DPP10: variants seen among roughly 807,000 people sequenced by gnomAD.
DPP10 encodes the protein inactive dipeptidyl peptidase 10.
In DPP10, 33 loss-of-function variants were observed where a neutral mutation model predicts 120.9. The observed-to-expected ratio is 0.27, with a 90% CI of 0.21 to 0.37. The LOEUF (loss-of-function observed/expected upper bound fraction) is 0.37, where lower values mean the gene tolerates loss of function less well. Among genes scored for constraint, DPP10 ranks in the 10% least tolerant of loss-of-function variants. The pLI is 1.00. For missense variants in DPP10, 816 were observed against 942.8 expected, an observed-to-expected ratio of 0.87 and a Z score of 1.76; for synonymous variants, 337 against 326.1, an observed-to-expected ratio of 1.03 and a Z score of -0.36.
At chr2:115,477,108 T>A (rs1009297461) in intron 3 of DPP10, among the ~76,000 whole-genome samples, 1 of 152,026 alleles carries the variant, frequency 6.6e-6, no homozygotes, top group Non-Finnish European at 1.5e-5. Context: ...ATCAGAAAAA[T>A]GATAGGATGC....
rs564452733 is a variant in DPP10, at chr2:114,774,802, T to C, written c.60+331964T>C. On this transcript the variant is annotated intron_variant, in intron 1 of 25. Coordinates refer to ENST00000410059, the MANE Select transcript of DPP10 (RefSeq NM_020868.6). Reference sequence around the variant, plus strand: ...TAAGGAAAACACAGCAGGAACCTTATAGAGGTAAGTGAAGCATGAAATTCA... The same window carrying C: ...TAAGGAAAACACAGCAGGAACCTTACAGAGGTAAGTGAAGCATGAAATTCA... Among the ~76,000 whole-genome samples, 110 of 151,702 alleles carry C rather than the reference T, an allele frequency of 7.3e-4. 1 individual carries two copies. Among genetic ancestry groups the C allele is most frequent in the Non-Finnish European group, 1.4e-3 (92 of 67,954 alleles).
chr2:115,160,111 A>G (rs1290954524), intron 1 of DPP10, among the ~76,000 whole-genome samples: 1 of 152,232 alleles, frequency 6.6e-6, no homozygotes, highest in Non-Finnish European at 1.5e-5. Context: ...TTACTGGATA[A>G]GCTGCCCAAT....
rs143495116 is a variant in DPP10, at chr2:115,636,216, C to G, written c.442-53471C>G. On this transcript the variant is annotated intron_variant, in intron 5 of 25. Transcript: ENST00000410059. ...TGCGAGACAGCTACCCTGGGCTTCT[C>G]AAAAAGTTAATACTTTAATATTAAA... Among the ~76,000 whole-genome samples, 1,065 of 150,970 alleles carry G rather than the reference C, an allele frequency of 7.1e-3. 13 individuals carry two copies. Among genetic ancestry groups the G allele is most frequent in the African/African-American group, 0.025 (1,012 of 41,184 alleles).
chr2:114,711,258 G>A (rs1310747422), intron 1 of DPP10, among the ~76,000 whole-genome samples: 1 of 152,164 alleles, frequency 6.6e-6, no homozygotes, highest in Non-Finnish European at 1.5e-5. Flanking sequence ...ATTCTGGTGG[G>A]TGGCACAGGG....
intron 1 of DPP10, among the ~76,000 whole-genome samples, chr2:115,095,331 A>G (rs934226062): frequency 8.5e-5 from 13 of 152,182 alleles, no homozygotes; most frequent in African/African-American, 2.7e-4. Context: ...AGATTTAGAT[A>G]GAAGATCTCA....
intron 1 of DPP10, among the ~76,000 whole-genome samples, chr2:114,733,057 C>T (rs1010047531): frequency 2.0e-5 from 3 of 152,106 alleles, no homozygotes; most frequent in African/African-American, 4.8e-5. Flanking sequence ...AAGAAGAGGA[C>T]ACATTGGGAG....
chr2:114,634,816 C>T (rs948550426), intron 1 of DPP10, among the ~76,000 whole-genome samples: 1 of 151,856 alleles, frequency 6.6e-6, no homozygotes, highest in Non-Finnish European at 1.5e-5. Context: ...CAGAAGAACA[C>T]TAGAAACTTT....
intron 1 of DPP10, among the ~76,000 whole-genome samples, chr2:115,047,011 G>C (rs772852658): frequency 6.6e-6 from 1 of 151,846 alleles, no homozygotes; most frequent in Non-Finnish European, 1.5e-5. Context: ...ATTCAATTCA[G>C]CTCATGGTCA....
At chr2:115,136,139 A>G (rs1332555332) in intron 1 of DPP10, among the ~76,000 whole-genome samples, 1 of 148,296 alleles carries the variant, frequency 6.7e-6, no homozygotes, top group Non-Finnish European at 1.5e-5. Context: ...TTAGGGCACA[A>G]AACAGCAGCT....
intron 7 of DPP10, among the ~76,000 whole-genome samples, chr2:115,713,306 G>T (rs2092390993): frequency 6.6e-6 from 1 of 152,120 alleles, no homozygotes. Flanking sequence ...TGAATTGAGA[G>T]TAGAGGTAAG....
intron 4 of DPP10, among the ~76,000 whole-genome samples, chr2:115,520,903 G>A (rs1419920684): frequency 6.6e-6 from 1 of 152,068 alleles, no homozygotes; most frequent in Non-Finnish European, 1.5e-5. Context: ...TCTTAATAGG[G>A]ACATTACCGT....
At chr2:114,568,690 A>G (rs1290980310) in intron 1 of DPP10, among the ~76,000 whole-genome samples, 1 of 152,230 alleles carries the variant, frequency 6.6e-6, no homozygotes, top group Non-Finnish European at 1.5e-5. Flanking sequence ...CACCTTGCAT[A>G]AGTAAACGCG....
At chr2:114,517,190 C>A (rs1043572817) in intron 1 of DPP10, among the ~76,000 whole-genome samples, 7 of 152,162 alleles carry the variant, frequency 4.6e-5, no homozygotes, top group Non-Finnish European at 8.8e-5. Context: ...GAGATCTAAT[C>A]ATTTCACGGA....
chr2:114,726,962 C>A, intron 1 of DPP10, among the ~76,000 whole-genome samples: 1 of 152,202 alleles, frequency 6.6e-6, no homozygotes, highest in East Asian at 1.9e-4. Context: ...TTCAGAAGGA[C>A]ATTTCTCAGA....
At chr2:114,571,559 T>A (rs989517662) in intron 1 of DPP10, among the ~76,000 whole-genome samples, 2 of 152,114 alleles carry the variant, frequency 1.3e-5, no homozygotes, top group Non-Finnish European at 2.9e-5. Flanking sequence ...TCTCTCATGA[T>A]ATGCCACTTC....
chr2:114,684,114 A>G (rs1699213856), intron 1 of DPP10, among the ~76,000 whole-genome samples: 1 of 151,920 alleles, frequency 6.6e-6, no homozygotes, highest in Admixed American at 6.6e-5. Context: ...ACAGCATTCC[A>G]GATAGGGAAG....
At chr2:115,019,042 C>A (rs1702877417) in intron 1 of DPP10, among the ~76,000 whole-genome samples, 1 of 151,844 alleles carries the variant, frequency 6.6e-6, no homozygotes, top group African/African-American at 2.4e-5. Flanking sequence ...AGAGACCCAG[C>A]ACCCACCTGC....
At chr2:115,166,889 T>G (rs1183032530) in intron 1 of DPP10, among the ~76,000 whole-genome samples, 1 of 152,198 alleles carries the variant, frequency 6.6e-6, no homozygotes, top group African/African-American at 2.4e-5. Context: ...TAAGCTTTAC[T>G]ACTTATAGGC....
At chr2:115,585,788 C>G (rs1299833848) in intron 5 of DPP10, among the ~76,000 whole-genome samples, 2 of 152,128 alleles carry the variant, frequency 1.3e-5, no homozygotes, top group African/African-American at 4.8e-5. Flanking sequence ...GGACATCTAT[C>G]TATCTATCCA....
Sources: allele counts gnomAD v4.1 joint callset (sites outside exome capture counted in the v4.1 genomes callset), GRCh38; gene constraint gnomAD v4.1.1; transcripts MANE v1.5; gene names NCBI Gene and HGNC (gene_info 2026-07-23, HGNC 2026-07-21).